ANXA3: variants seen among roughly 807,000 people sequenced by gnomAD.
ANXA3 encodes 35-alpha calcimedin.
A neutral mutation model predicts 48.8 loss-of-function variants in ANXA3; 46 were observed. The observed-to-expected ratio is 0.94, with a 90% confidence interval of 0.74 to 1.21. ANXA3 has a LOEUF of 1.21. ANXA3 is among the 50% of genes most tolerant of loss of function. The pLI is 0.00. For synonymous variants in ANXA3, 128 were observed against 134.7 expected (o/e 0.95, Z 0.35); for missense variants, 383 against 378.6 (o/e 1.01, Z -0.10).
intron 4 of ANXA3, among the ~76,000 whole-genome samples, chr4:78,580,036 C>T (rs1723041504): frequency 6.6e-6 from 1 of 152,218 alleles, no homozygotes. Context: ...ATATCCTAGA[C>T]ATTGGAAATA....
At position 78,573,260 on chromosome 4, in the gene ANXA3, A is replaced by T; in HGVS notation, c.96A>T (p.Arg32Ser). The T allele has an allele frequency of 6.2e-7, 1 of 1,609,606 alleles. No homozygotes were observed. The highest frequency in any genetic ancestry group is 1.3e-5 in the African/African-American group (1 of 74,920). ...CTGAAGCTATTCAGAAAGCAATCAGAGGAATTGGTGAGTGATATTTTACAA... is the reference window on the plus strand; with the variant it reads ...CTGAAGCTATTCAGAAAGCAATCAGTGGAATTGGTGAGTGATATTTTACAA... ...VDAEAIQKAI[R>S]GIGTDEKMLI... Residue 32 changes from arginine (R) to serine (S), a missense_variant, in exon 3 of 13, where the codon AGA becomes AGT. Physicochemically the swap from Arg to Ser is moderately radical, Grantham distance 110 (BLOSUM62 -1). Coordinates refer to ENST00000264908, the MANE Select transcript of ANXA3 (RefSeq NM_005139.3).
chr4:78,555,864 A>C (rs1027361650), intron 2 of ANXA3, among the ~76,000 whole-genome samples: 3 of 147,656 alleles, frequency 2.0e-5, no homozygotes, highest in African/African-American at 7.4e-5. Flanking sequence ...AAAAAAAAAA[A>C]CTCCTGCATC....
chr4:78,591,719 G>A (rs1723300939), intron 7 of ANXA3, 96 bp downstream of exon 7: 3 of 839,728 alleles, frequency 3.6e-6, no homozygotes, highest in Middle Eastern at 2.3e-4. Flanking sequence ...GAGACAATGA[G>A]TTCACAATTT....
Position 78,586,358 on chromosome 4 carries a change from AT to A in ANXA3, c.403+12del. ...CTCAAGCCTATTATACAGGTGTCTT[AT>A]TTTCTGCTTACCTTCACCACTGTTC... On this transcript the variant is annotated intron_variant, in intron 6 of 12. Coordinates refer to ENST00000264908, the MANE Select transcript of ANXA3 (RefSeq NM_005139.3). 1 of 1,600,500 alleles carries A rather than the reference AT, an allele frequency of 6.2e-7. No homozygotes were observed. The highest frequency in any genetic ancestry group is 8.5e-7 in the Non-Finnish European group (1 of 1,169,800).
chr4:78,555,258 G>A (rs1279838466), intron 2 of ANXA3, among the ~76,000 whole-genome samples: 1 of 152,118 alleles, frequency 6.6e-6, no homozygotes, highest in African/African-American at 2.4e-5. Flanking sequence ...TATTCTTGGA[G>A]TGGGGAAGAT....
At chr4:78,581,406 A>G (rs1723068085) in intron 4 of ANXA3, among the ~76,000 whole-genome samples, 1 of 152,230 alleles carries the variant, frequency 6.6e-6, no homozygotes, top group Non-Finnish European at 1.5e-5. Context: ...AATGTCTGTA[A>G]GAGGCTAAAT....
At chr4:78,601,017 C>T (rs1723523223) in intron 10 of ANXA3, among the ~76,000 whole-genome samples, 1 of 151,980 alleles carries the variant, frequency 6.6e-6, no homozygotes, top group Non-Finnish European at 1.5e-5. Context: ...AAATTCTAAT[C>T]CAGTCATTTA....
Position 78,578,984 on chromosome 4 carries a change from G to A in ANXA3, c.104-43G>A, listed in dbSNP as rs771906441. On this transcript the variant is annotated intron_variant, in intron 3 of 12. Transcript: ENST00000264908. The stretch of plus-strand genomic sequence containing the variant: ...CATTTTGCTTTTGTTCAAGACAAAT[G>A]TTGAGCATAAATATTGAGTAAAATA... 1.7e-5 allele frequency: 23 copies of A among 1,358,614 alleles called. No homozygotes were observed. The South Asian group carries it at 2.6e-4, about 15-fold the overall frequency. The allele number at this position is 1,358,614 out of a possible 1,614,324, so 84.2% of individuals were successfully genotyped here.
chr4:78,566,448 A>ACTATG (rs1722732579), intron 2 of ANXA3, among the ~76,000 whole-genome samples: 1 of 149,116 alleles, frequency 6.7e-6, no homozygotes, highest in Non-Finnish European at 1.5e-5. Flanking sequence ...AGAATACTAT[A>ACTATG]CTATACTATA....
chr4:78,575,202 A>C (rs1722922219), intron 3 of ANXA3, among the ~76,000 whole-genome samples: 1 of 151,942 alleles, frequency 6.6e-6, no homozygotes, highest in African/African-American at 2.4e-5. Flanking sequence ...TATTTTTTTC[A>C]GTTGGTTTGT....
intron 2 of ANXA3, among the ~76,000 whole-genome samples, chr4:78,568,104 C>G (rs1052247582): frequency 2.1e-4 from 32 of 152,308 alleles, no homozygotes; most frequent in African/African-American, 6.5e-4. Flanking sequence ...AACCTGGTCT[C>G]CAAGTAAGGC....
intron 7 of ANXA3, among the ~76,000 whole-genome samples, chr4:78,592,740 G>T (rs1723325572): frequency 6.6e-6 from 1 of 152,150 alleles, no homozygotes; most frequent in South Asian, 2.1e-4. Flanking sequence ...AGTACTCATA[G>T]GGTGTTATGA....
At chr4:78,555,086 T>G (rs572710474) in intron 2 of ANXA3, among the ~76,000 whole-genome samples, 1 of 152,246 alleles carries the variant, frequency 6.6e-6, no homozygotes, top group Admixed American at 6.5e-5. Context: ...ATGCCTGTAA[T>G]CCCAGCTACT....
intron 2 of ANXA3, among the ~76,000 whole-genome samples, chr4:78,555,188 G>C (rs1195904029): frequency 6.6e-6 from 1 of 152,242 alleles, no homozygotes; most frequent in Non-Finnish European, 1.5e-5. Flanking sequence ...CTGAGAGACA[G>C]AGTGAGACTC....
chr4:78,593,350 ACG>A, intron 7 of ANXA3, among the ~76,000 whole-genome samples: 1 of 151,646 alleles, frequency 6.6e-6, no homozygotes, highest in African/African-American at 2.4e-5. Context: ...TTACAGGCAC[ACG>A]CCACCACACC....
chr4:78,578,302 A>T lies in ANXA3; in HGVS notation c.104-725A>T, dbSNP rs1409087117. ...GGGCGAAGGGGAGAGAGAGAGCGAGAGAGAGAGAGAGAGAGAGAGAGAGAG... is the reference window on the plus strand; with the variant it reads ...GGGCGAAGGGGAGAGAGAGAGCGAGTGAGAGAGAGAGAGAGAGAGAGAGAG... On this transcript the variant is annotated intron_variant, in intron 3 of 12. Transcript: ENST00000264908. Among the ~76,000 whole-genome samples the T allele has an allele frequency of 2.2e-3, 213 of 96,292 alleles. 1 individual carries two copies. The highest frequency in any genetic ancestry group is 7.9e-3 in the African/African-American group (191 of 24,272). 63.2% of individuals were successfully genotyped at this position (96,292 alleles called of 152,430 possible).
intron 3 of ANXA3, among the ~76,000 whole-genome samples, chr4:78,574,130 C>A (rs901801015): frequency 5.3e-5 from 8 of 152,268 alleles, no homozygotes; most frequent in African/African-American, 1.4e-4. Context: ...ACAAATATGG[C>A]CCCCTTGGTT....
Position 78,595,446 on chromosome 4 carries a change from C to A in ANXA3, c.540+9C>A, listed in dbSNP as rs771431917. 2 of 1,612,502 alleles carry A rather than the reference C, an allele frequency of 1.2e-6. No homozygotes were observed. The highest frequency in any genetic ancestry group is 1.7e-6 in the Non-Finnish European group (2 of 1,179,568). On this transcript the variant is annotated intron_variant, in intron 8 of 12. Coordinates refer to ENST00000264908, the MANE Select transcript of ANXA3 (RefSeq NM_005139.3). ...CCAAACAAGATGCCCAGGTCAGTAA[C>A]AAAGCGGGAAAACATTTCCTTTACC...
At chr4:78,607,595 C>T (rs1723677564) in intron 12 of ANXA3, among the ~76,000 whole-genome samples, 1 of 152,140 alleles carries the variant, frequency 6.6e-6, no homozygotes, top group South Asian at 2.1e-4. Context: ...ATAAATAGCA[C>T]AATTCCAAGC....
Sources: allele counts gnomAD v4.1 joint callset (sites outside exome capture counted in the v4.1 genomes callset), GRCh38; gene constraint gnomAD v4.1.1; transcripts MANE v1.5; gene names NCBI Gene and HGNC (gene_info 2026-07-23, HGNC 2026-07-21).